The following KIF13B variants were observed in gnomAD, a reference collection of about 807,000 sequenced individuals.
KIF13B encodes kinesin family member 13B, also known as kinesin-like protein KIF13B.
Under a neutral mutation model 222.0 loss-of-function variants are expected in KIF13B, and 127 were observed. The observed-to-expected ratio is 0.57, with a 90% CI of 0.50 to 0.66. KIF13B has a LOEUF of 0.66. Ranked by LOEUF, KIF13B falls within the 30% of genes least tolerant of loss-of-function variation. The probability of loss-of-function intolerance (pLI) is 0.00; values close to 1 mark genes in which losing one functional copy is unlikely to be tolerated. For missense variants in KIF13B, 2,173 were observed against 2,379.0 expected, an observed-to-expected ratio of 0.91 and a Z score of 1.80; for synonymous variants, 976 against 919.0, an observed-to-expected ratio of 1.06 and a Z score of -1.12.
rs1807149696 is a variant in KIF13B at position 29,069,493 on chromosome 8, C to T, written c.*1011G>A. ...AGTAGCAATGCCTCTTCCTTTGTCA[C>T]CGACTACAGAAGCACATCATTCTCC... On this transcript the variant is annotated 3_prime_UTR_variant, in exon 40 of 40. Transcript: ENST00000524189. 1 of 152,324 alleles carries T rather than the reference C, an allele frequency of 6.6e-6. No individual in the cohort carries two copies. Among genetic ancestry groups the T allele is most frequent in the Non-Finnish European group, 1.5e-5 (1 of 68,082 alleles). The allele number at this position is 152,324 out of a possible 1,614,324, so 9.4% of individuals were successfully genotyped here. A position where few individuals can be genotyped will look rare whatever the true frequency, so the allele number is the denominator to read the frequency against.
intron 12 of KIF13B, among the ~76,000 whole-genome samples, chr8:29,164,879 G>A (rs1421951301): frequency 1.4e-5 from 2 of 146,926 alleles, no homozygotes; most frequent in East Asian, 4.0e-4. Flanking sequence ...ATGGAGTCTT[G>A]CTCTGTCACC....
At chr8:29,206,131 A>G (rs2130445612) in intron 2 of KIF13B, among the ~76,000 whole-genome samples, 1 of 151,910 alleles carries the variant, frequency 6.6e-6, no homozygotes, top group South Asian at 2.1e-4. Context: ...CCCACAAAAA[A>G]AGAGGCTGGG....
chr8:29,221,124 A>G lies in KIF13B; in HGVS notation c.149+24222T>C, dbSNP rs1239692816. Among the ~76,000 whole-genome samples the G allele has an allele frequency of 8.3e-5, 9 of 108,486 alleles. No homozygotes were observed. In the East Asian group the frequency reaches 1.4e-3, roughly 17 times the overall value. The allele number at this position is 108,486 out of a possible 152,430, so 71.2% of individuals were successfully genotyped here. A position where few individuals can be genotyped will look rare whatever the true frequency, so the allele number is the denominator to read the frequency against. On this transcript the variant is annotated intron_variant, in intron 2 of 39. Coordinates refer to ENST00000524189, the MANE Select transcript of KIF13B (RefSeq NM_015254.4). ...TTTTTTTTTTTTTTTTTTTTTTGAG[A>G]TGGAGTCTCACTCTGTCACCCAGGC...
intron 10 of KIF13B, among the ~76,000 whole-genome samples, chr8:29,174,507 T>C (rs1033019303): frequency 6.6e-6 from 1 of 152,166 alleles, no homozygotes; most frequent in Non-Finnish European, 1.5e-5. Flanking sequence ...CAAGTAACAA[T>C]ATCTGAATAA....
chr8:29,161,188 T>C (rs1229979522), intron 12 of KIF13B, among the ~76,000 whole-genome samples: 2 of 152,190 alleles, frequency 1.3e-5, no homozygotes, highest in African/African-American at 4.8e-5. Context: ...CAAAAGTGTG[T>C]GCACTTTCCT....
At chr8:29,186,986 A>G (rs1812963529) in intron 5 of KIF13B, among the ~76,000 whole-genome samples, 1 of 151,238 alleles carries the variant, frequency 6.6e-6, no homozygotes, top group Non-Finnish European at 1.5e-5. Flanking sequence ...AAAAAAAAAA[A>G]GAAAAATAAA....
chr8:29,239,369 T>C (rs1345129345), intron 2 of KIF13B, among the ~76,000 whole-genome samples: 2 of 152,250 alleles, frequency 1.3e-5, no homozygotes, highest in Non-Finnish European at 2.9e-5. Flanking sequence ...TTGAAATTCA[T>C]TGCAAATAAG....
chr8:29,165,904 T>TTTGACTGTAGATCGAAGTACC (rs1554610880), intron 11 of KIF13B, 132 bp from the exon 12 acceptor site: 3 of 567,658 alleles, frequency 5.3e-6, no homozygotes. Context: ...TGACATCTAC[T>TTTGACTGTAGATCGAAGTACC]TCGATTGTAG....
chr8:29,217,523 A>G (rs1586940028), intron 2 of KIF13B, among the ~76,000 whole-genome samples: 1 of 152,336 alleles, frequency 6.6e-6, no homozygotes, highest in East Asian at 1.9e-4. Flanking sequence ...GCACATAATA[A>G]GCATTCAGTG....
chr8:29,246,272 G>A (rs888017470), intron 1 of KIF13B, among the ~76,000 whole-genome samples: 9 of 152,016 alleles, frequency 5.9e-5, no homozygotes, highest in African/African-American at 1.2e-4. Flanking sequence ...AACTACTAGG[G>A]AGGCTGAGGC....
intron 2 of KIF13B, among the ~76,000 whole-genome samples, chr8:29,243,660 A>G (rs553040156): frequency 1.3e-5 from 2 of 152,194 alleles, no homozygotes; most frequent in African/African-American, 4.8e-5. Flanking sequence ...TGCCTCAAAA[A>G]AAAAAAAGAA....
intron 1 of KIF13B, among the ~76,000 whole-genome samples, chr8:29,258,205 C>T (rs1029784530): frequency 6.6e-5 from 10 of 152,232 alleles, no homozygotes; most frequent in African/African-American, 2.4e-4. Flanking sequence ...TCTTCACTGA[C>T]TACCAGCATC....
At position 29,072,363 on chromosome 8, in the gene KIF13B, A is replaced by G. The variant is rs758973135; in HGVS notation, c.4522-47T>C. ...GGGGCTGAGAACAGAAAACTTTCCAACACGAACCAAGCAGGCAGCTTTGAC... is the reference window on the plus strand; with the variant it reads ...GGGGCTGAGAACAGAAAACTTTCCAGCACGAACCAAGCAGGCAGCTTTGAC... On this transcript the variant is annotated intron_variant, in intron 38 of 39. Transcript: ENST00000524189. 13 of 1,285,880 alleles carry G rather than the reference A, an allele frequency of 1.0e-5. No homozygotes were observed. In the South Asian group the frequency reaches 1.5e-4, roughly 15 times the overall value. The allele number at this position is 1,285,880 out of a possible 1,614,324, so 79.7% of individuals were successfully genotyped here.
chr8:29,161,375 T>G (rs905231586), intron 12 of KIF13B, among the ~76,000 whole-genome samples: 3 of 152,176 alleles, frequency 2.0e-5, no homozygotes, highest in African/African-American at 7.2e-5. Context: ...AACCCAGCAC[T>G]GCATGAAACA....
chr8:29,195,584 G>C (rs62502837), intron 3 of KIF13B, among the ~76,000 whole-genome samples: 20,141 of 152,162 alleles, frequency 0.13, 1,481 homozygotes, highest in South Asian at 0.15. Context: ...TAAATTTCCT[G>C]GAAGTTCCAA....
chr8:29,116,962 G>A lies in KIF13B; in HGVS notation c.3706C>T (p.Gln1236Ter), dbSNP rs749564397. The A allele has an allele frequency of 6.2e-7, 1 of 1,610,248 alleles. No individual in the cohort carries two copies. Among genetic ancestry groups the A allele is most frequent in the African/African-American group, 1.3e-5 (1 of 74,846 alleles). Residue 1236 changes from glutamine (Q) to a stop codon, truncating the protein, a stop_gained, in exon 31 of 40, where the codon CAG becomes TAG. Transcript: ENST00000524189. LOFTEE classifies it high-confidence loss of function. ...TCCACGGGCGTGCCCCTGCTGAGCT[G>A]AGGGCAGCCATGCACCGCGGAGTCC... is the stretch of plus-strand genomic sequence containing the variant. Reference protein sequence around the residue: ...SWDSAVHGCPQLSRGTPVDER... With the variant: ...SWDSAVHGCP
intron 2 of KIF13B, among the ~76,000 whole-genome samples, chr8:29,235,244 A>T (rs111893531): frequency 1.8e-4 from 28 of 152,344 alleles, no homozygotes; most frequent in Middle Eastern, 6.8e-3. Context: ...AAAGCAAAAC[A>T]AAGGCTGTGG....
intron 9 of KIF13B, 69 bp from the exon 10 acceptor site, chr8:29,176,248 G>C (rs897641908): frequency 1.1e-6 from 1 of 929,558 alleles, no homozygotes; most frequent in Non-Finnish European, 1.7e-6. Context: ...TTAGCACAAA[G>C]ATTGAACACT....
At chr8:29,072,821 C>T (rs1292300181) in intron 38 of KIF13B, among the ~76,000 whole-genome samples, 3 of 152,294 alleles carry the variant, frequency 2.0e-5, no homozygotes, top group African/African-American at 2.4e-5. Flanking sequence ...AGTAGGTGCA[C>T]GCTAAAACCC....
Sources: allele counts gnomAD v4.1 joint callset (sites outside exome capture counted in the v4.1 genomes callset), GRCh38; gene constraint gnomAD v4.1.1; transcripts MANE v1.5; gene names NCBI Gene and HGNC (gene_info 2026-07-23, HGNC 2026-07-21).